Variants in NOTCH2NLC observed in about 807,000 individuals in gnomAD.
NOTCH2NLC encodes the protein notch homolog 2 N-terminal-like protein C.
In NOTCH2NLC, 4 loss-of-function variants were observed where a neutral mutation model predicts 17.7. The observed-to-expected ratio is 0.23, with a 90% CI of 0.11 to 0.52. The LOEUF (loss-of-function observed/expected upper bound fraction) is 0.52. NOTCH2NLC is among the 20% of genes least tolerant of loss of function. NOTCH2NLC has a pLI of 0.96. For missense variants in NOTCH2NLC, 57 were observed against 207.2 expected, an observed-to-expected ratio of 0.28 and a Z score of 4.45; for synonymous variants, 18 against 86.0, an observed-to-expected ratio of 0.21 and a Z score of 4.38.
Position 149,406,661 on chromosome 1 carries a change from C to CT in NOTCH2NLC, c.135+15742dup, listed in dbSNP as rs1299367337. The stretch of plus-strand genomic sequence containing the variant: ...GAATATTAGACAAGCCACTTAACTT[C>CT]TTTAAGTCTCAGTATCCGTATTTAT... On this transcript the variant is annotated intron_variant, in intron 1 of 4. Transcript: ENST00000650865. 9.3e-5 allele frequency among the ~76,000 whole-genome samples: 14 copies of CT among 150,926 alleles called. 3 individuals carry two copies. Among genetic ancestry groups the CT allele is most frequent in the Non-Finnish European group, 2.1e-4 (14 of 67,450 alleles).
rs1382487091 is a variant in NOTCH2NLC, at chr1:149,413,066, C to T, written c.136-17876C>T. Reference sequence around the variant, plus strand: ...ATTACTGGGGTGTGCCACTACCACCCGGCTAATTTTTTTGTATTTTTAGTA... The same window carrying T: ...ATTACTGGGGTGTGCCACTACCACCTGGCTAATTTTTTTGTATTTTTAGTA... On this transcript the variant is annotated intron_variant, in intron 1 of 4. Transcript: ENST00000650865. Among the ~76,000 whole-genome samples, 25 of 148,720 alleles carry T rather than the reference C, an allele frequency of 1.7e-4. 3 individuals are homozygous for T. Among genetic ancestry groups the T allele is most frequent in the Non-Finnish European group, 2.3e-4 (15 of 66,622 alleles).
At chr1:149,445,671 A>C (rs2084546622) in intron 2 of NOTCH2NLC, among the ~76,000 whole-genome samples, 1 of 151,052 alleles carries the variant, frequency 6.6e-6, no homozygotes, top group African/African-American at 2.4e-5. Flanking sequence ...TTTCTGCTGG[A>C]AACTAGCCCA....
chr1:149,447,231 C>T (rs2084559767), intron 2 of NOTCH2NLC, among the ~76,000 whole-genome samples: 2 of 150,686 alleles, frequency 1.3e-5, no homozygotes, highest in East Asian at 2.0e-4. Context: ...TTCTGACTGT[C>T]TTACCTATTA....
chr1:149,424,914 G>C (rs1305896906), intron 1 of NOTCH2NLC, among the ~76,000 whole-genome samples: 3 of 151,160 alleles, frequency 2.0e-5, no homozygotes, highest in Non-Finnish European at 3.0e-5. Context: ...CATTACTGTG[G>C]GTGGGCACCA....
In NOTCH2NLC at chr1:149,390,913, C is replaced by A. The variant is rs1280696604; in HGVS notation, c.126C>A (p.Pro42=). The change falls in exon 1 of 5, where the codon CCC becomes CCA. Residue 42 remains proline (P), a synonymous_variant. Transcript: ENST00000650865. ...RCWRSGCAAR[P]PRMCRDGYEP... ...GGCGCTCTGGCTGTGCTGCGCGACCCCCGCGCATGGTGAGTATCGGGCTGA... is the reference window on the plus strand; with the variant it reads ...GGCGCTCTGGCTGTGCTGCGCGACCACCGCGCATGGTGAGTATCGGGCTGA... The A allele has an allele frequency of 5.1e-5, 73 of 1,436,484 alleles. 1 individual carries two copies. In the African/African-American group the frequency reaches 1.1e-3, roughly 21 times the overall value. The allele number at this position is 1,436,484 out of a possible 1,614,324, so 89.0% of individuals were successfully genotyped here.
intron 2 of NOTCH2NLC, among the ~76,000 whole-genome samples, chr1:149,435,579 C>A (rs2084477726): frequency 6.9e-6 from 1 of 144,162 alleles, no homozygotes; most frequent in Non-Finnish European, 1.5e-5. Context: ...TTAAGCCCCT[C>A]TAAGGCAGAA....
Position 149,390,675 on chromosome 1 carries a change from CG to C in NOTCH2NLC, c.-109del, listed in dbSNP as rs1559601994. The stretch of plus-strand genomic sequence containing the variant: ...GCCGAGGAGCGGCGGACTCGGGGCG[CG>C]GGGAGTCGAGGCATTTGCGCCTGTG... On this transcript the variant is annotated 5_prime_UTR_variant, in exon 1 of 5. Coordinates refer to ENST00000650865, the MANE Select transcript of NOTCH2NLC (RefSeq NM_001364013.2). 3.3e-6 allele frequency: 4 copies of C among 1,224,298 alleles called. No individual in the cohort carries two copies. The highest frequency in any genetic ancestry group is 3.2e-5 in the African/African-American group (2 of 61,740). 75.8% of individuals were successfully genotyped at this position (1,224,298 alleles called of 1,614,324 possible).
chr1:149,450,163 A>G (rs2101503990), intron 2 of NOTCH2NLC, among the ~76,000 whole-genome samples: 1 of 147,198 alleles, frequency 6.8e-6, no homozygotes, highest in South Asian at 2.2e-4. Context: ...AATTTGAAGA[A>G]TTAAGAAAGA....
intron 3 of NOTCH2NLC, among the ~76,000 whole-genome samples, chr1:149,460,609 T>A (rs1302000037): frequency 6.7e-6 from 1 of 150,234 alleles, no homozygotes; most frequent in East Asian, 2.0e-4. Context: ...AGTGCTGGGA[T>A]TACAGGTGTG....
At position 149,471,542 on chromosome 1, in the gene NOTCH2NLC, C is replaced by G. The variant is rs1393698553; in HGVS notation, c.*7389C>G. On this transcript the variant is annotated 3_prime_UTR_variant, in exon 5 of 5. Transcript: ENST00000650865. ...ATGTGGATATTTAGTTGTCCCAGGA[C>G]CATTTGTTGAATTAAGTGCCCAGAA... is the stretch of plus-strand genomic sequence containing the variant. Among the ~76,000 whole-genome samples, 1 of 150,268 alleles carries G rather than the reference C, an allele frequency of 6.7e-6. No homozygotes were observed. The highest frequency in any genetic ancestry group is 6.7e-5 in the Admixed American group (1 of 14,998).
chr1:149,391,866 AT>A (rs2084170963), intron 1 of NOTCH2NLC, among the ~76,000 whole-genome samples: 1 of 143,512 alleles, frequency 7.0e-6, no homozygotes, highest in Non-Finnish European at 1.6e-5. Flanking sequence ...AGGGAATCAA[AT>A]CATATCTTCC....
chr1:149,463,112 G>A (rs2084660032), intron 3 of NOTCH2NLC, among the ~76,000 whole-genome samples: 1 of 150,736 alleles, frequency 6.6e-6, no homozygotes, highest in Admixed American at 6.6e-5. Context: ...GGAATTACAG[G>A]TGTGAGCCAC....
intron 2 of NOTCH2NLC, among the ~76,000 whole-genome samples, chr1:149,433,277 CA>C (rs2084463347): frequency 8.8e-6 from 1 of 113,334 alleles, no homozygotes; most frequent in African/African-American, 3.4e-5. Flanking sequence ...TGGGGCCTGT[CA>C]GGGGGTGGGG....
At chr1:149,448,860 C>T (rs1200888545) in intron 2 of NOTCH2NLC, among the ~76,000 whole-genome samples, 17 of 143,860 alleles carry the variant, frequency 1.2e-4, no homozygotes, top group Non-Finnish European at 2.4e-4. Context: ...TGAATCCTGC[C>T]TCTTCCATCT....
rs1488191137 is a variant in NOTCH2NLC, at chr1:149,413,038, G to A, written c.136-17904G>A. Among the ~76,000 whole-genome samples the A allele has an allele frequency of 1.5e-3, 217 of 146,870 alleles. 3 individuals are homozygous for A. Among genetic ancestry groups the A allele is most frequent in the African/African-American group, 5.0e-3 (200 of 40,142 alleles). ...TCCTGCCTTAGCCTCCCGAGTAGCC[G>A]GGATTACTGGGGTGTGCCACTACCA... On this transcript the variant is annotated intron_variant, in intron 1 of 4. Transcript: ENST00000650865.
Position 149,390,823 on chromosome 1 carries a change from C to CGGCGGCGGCGGCGGCGGCGGCGGCGGA in NOTCH2NLC, c.44_45insCGGCGGCGGCGGCGGCGGAGGCGGCGG (p.Gly10_Gly18dup), listed in dbSNP as rs1559602094. On this transcript the variant is annotated inframe_insertion, in exon 1 of 5. Coordinates refer to ENST00000650865, the MANE Select transcript of NOTCH2NLC (RefSeq NM_001364013.2). The stretch of plus-strand genomic sequence containing the variant: ...GCCCAGGCGGCGGCGGCGGCGGCGG[C>CGGCGGCGGCGGCGGCGGCGGCGGCGGA]GGCGGCGGAGGAGGCGGCGACCGAG... 9.1e-6 allele frequency: 12 copies of CGGCGGCGGCGGCGGCGGCGGCGGCGGA among 1,324,734 alleles called. 1 individual carries two copies. In the South Asian group the frequency reaches 1.8e-4, roughly 20 times the overall value. 82.1% of individuals were successfully genotyped at this position (1,324,734 alleles called of 1,614,324 possible).
rs2084154450 is a variant in NOTCH2NLC, at chr1:149,390,731, T to TCGGACCGTAGCGCCAGGGCCTGAGCC, written c.-57_-56insCGGACCGTAGCGCCAGGGCCTGAGCC. The TCGGACCGTAGCGCCAGGGCCTGAGCC allele has an allele frequency of 8.1e-7, 1 of 1,240,152 alleles. No homozygotes were observed. The highest frequency in any genetic ancestry group is 1.7e-5 in the African/African-American group (1 of 59,948). 76.8% of individuals were successfully genotyped at this position (1,240,152 alleles called of 1,614,324 possible). A position where few individuals can be genotyped will look rare whatever the true frequency, so the allele number is the denominator to read the frequency against. ...GGACCGTAGCGCCAGGGCCTGAGCC[T>TCGGACCGTAGCGCCAGGGCCTGAGCC]TTGAAGCAGGAGGAGGGGAGGAGAG... On this transcript the variant is annotated 5_prime_UTR_variant, in exon 1 of 5. Coordinates refer to ENST00000650865, the MANE Select transcript of NOTCH2NLC (RefSeq NM_001364013.2).
chr1:149,427,492 C>CTTTTTTT (rs1171198772), intron 1 of NOTCH2NLC, among the ~76,000 whole-genome samples: 5 of 87,342 alleles, frequency 5.7e-5, no homozygotes, highest in Non-Finnish European at 6.5e-5. Context: ...TCTACCACAG[C>CTTTTTTT]TTTTTTTTTT....
intron 1 of NOTCH2NLC, among the ~76,000 whole-genome samples, chr1:149,423,492 A>C (rs1301352521): frequency 1.3e-5 from 2 of 149,088 alleles, no homozygotes; most frequent in Non-Finnish European, 3.0e-5. Context: ...TCTGCCCTCA[A>C]TTCTCCTATT....
Sources: allele counts gnomAD v4.1 joint callset (sites outside exome capture counted in the v4.1 genomes callset), GRCh38; gene constraint gnomAD v4.1.1; transcripts MANE v1.5; gene names NCBI Gene and HGNC (gene_info 2026-07-23, HGNC 2026-07-21).